Variants in VAV2 observed in about 807,000 individuals in gnomAD.
VAV2 encodes the protein guanine nucleotide exchange factor VAV2.
A neutral mutation model predicts 132.5 loss-of-function variants in VAV2; 67 were observed. The observed-to-expected ratio is 0.51, with a 90% CI of 0.42 to 0.62. VAV2 has a LOEUF of 0.62. Among genes scored for constraint, VAV2 ranks in the 20% least tolerant of loss-of-function variants. The pLI is 0.00. For missense variants in VAV2, 938 were observed against 1,153.6 expected, an observed-to-expected ratio of 0.81 and a Z score of 2.71; for synonymous variants, 492 against 443.5, an observed-to-expected ratio of 1.11 and a Z score of -1.37.
chr9:133,788,049 G>A lies in VAV2; in HGVS notation c.1407+305C>T, dbSNP rs1834300776. Among the ~76,000 whole-genome samples, 1 of 152,230 alleles carries A rather than the reference G, an allele frequency of 6.6e-6. No individual in the cohort carries two copies. Among genetic ancestry groups the A allele is most frequent in the Admixed American group, 6.5e-5 (1 of 15,288 alleles). ...GGTTGAAAGTCCCACCCTCACTAGA[G>A]GCCTTGGGGTGGCCTCTCCCCTCTG... is the stretch of plus-strand genomic sequence containing the variant. On this transcript the variant is annotated intron_variant, in intron 15 of 29. Coordinates refer to ENST00000371850, the MANE Select transcript of VAV2 (RefSeq NM_001134398.2). The surrounding 1 kb of genome is among the most constrained non-coding windows in gnomAD (Gnocchi z 5.3).
chr9:133,856,883 T>C (rs556096591), intron 3 of VAV2, among the ~76,000 whole-genome samples: 1 of 152,282 alleles, frequency 6.6e-6, no homozygotes, highest in African/African-American at 2.4e-5. Context: ...CGAAAACCCT[T>C]TTCCTCGTCA....
At position 133,769,316 on chromosome 9, in the gene VAV2, A is replaced by G. The variant is rs1833537121; in HGVS notation, c.2434+101T>C. ...TGCCAGACTGCGGACAACTGTGGCC[A>G]CGTCAGGCAGGGCTGTGGGGCCAGT... On this transcript the variant is annotated intron_variant, in intron 28 of 29. Transcript: ENST00000371850. This position sits in a 1 kb window ranked among gnomAD's most constrained non-coding sequence, Gnocchi z 8.1. The G allele has an allele frequency of 3.9e-6, 5 of 1,283,720 alleles. No homozygotes were observed. Among genetic ancestry groups the G allele is most frequent in the Non-Finnish European group, 4.3e-6 (4 of 937,380 alleles). The allele number at this position is 1,283,720 out of a possible 1,614,324, so 79.5% of individuals were successfully genotyped here. A position where few individuals can be genotyped will look rare whatever the true frequency, so the allele number is the denominator to read the frequency against.
At chr9:133,810,756 G>A (rs1318583995) in intron 5 of VAV2, among the ~76,000 whole-genome samples, 1 of 152,216 alleles carries the variant, frequency 6.6e-6, no homozygotes, top group Non-Finnish European at 1.5e-5. Flanking sequence ...CAGAACCAGG[G>A]ACAGCAGCGG....
At chr9:133,772,079 G>A (rs373654300) in intron 25 of VAV2, 33 bp from the exon 26 acceptor site, 29 of 1,594,940 alleles carry the variant, frequency 1.8e-5, no homozygotes, top group Admixed American at 6.7e-5. Flanking sequence ...CGGTCACCGC[G>A]TGAGGGCCAC....
rs1014917826 is a variant in VAV2 at position 133,769,772 on chromosome 9, C to T, written c.2348-269G>A. 2.0e-5 allele frequency among the ~76,000 whole-genome samples: 3 copies of T among 152,218 alleles called. No individual in the cohort carries two copies. The highest frequency in any genetic ancestry group is 2.1e-4 in the South Asian group (1 of 4,834). ...TTGGGACCACCTCCTCTCATGCCCTCGCCTGGCACATAGCAGGTGCTCACT... is the reference window on the plus strand; with the variant it reads ...TTGGGACCACCTCCTCTCATGCCCTTGCCTGGCACATAGCAGGTGCTCACT... On this transcript the variant is annotated intron_variant, in intron 27 of 29. Coordinates refer to ENST00000371850, the MANE Select transcript of VAV2 (RefSeq NM_001134398.2). The surrounding 1 kb of genome is among the most constrained non-coding windows in gnomAD (Gnocchi z 8.1).
chr9:133,979,187 G>C lies in VAV2; in HGVS notation c.204+12888C>G, dbSNP rs138843617. On this transcript the variant is annotated intron_variant, in intron 1 of 29. Transcript: ENST00000371850. ...GCAGGGGCTGGGAGACATGTCCGCC[G>C]AGCACTTCCCACTTGCCAGGCACCG... Among the ~76,000 whole-genome samples, 864 of 152,350 alleles carry C rather than the reference G, an allele frequency of 5.7e-3. 6 individuals carry two copies. Among genetic ancestry groups the C allele is most frequent in the African/African-American group, 0.02 (820 of 41,576 alleles).
At chr9:133,780,997 G>A (rs909636340) in intron 19 of VAV2, among the ~76,000 whole-genome samples, 4 of 152,208 alleles carry the variant, frequency 2.6e-5, no homozygotes, top group Non-Finnish European at 5.9e-5. Flanking sequence ...AGGTTATCCC[G>A]CCTGGGCCAC....
intron 2 of VAV2, among the ~76,000 whole-genome samples, chr9:133,901,665 G>A (rs367732324): frequency 4.0e-5 from 6 of 151,798 alleles, no homozygotes; most frequent in South Asian, 2.1e-4. Flanking sequence ...CTGCCGGCCC[G>A]GCCTGGTGAC....
intron 1 of VAV2, among the ~76,000 whole-genome samples, chr9:133,947,456 T>C (rs1260614107): frequency 6.6e-6 from 1 of 152,084 alleles, no homozygotes; most frequent in Non-Finnish European, 1.5e-5. Context: ...TCCTGGCCCT[T>C]TGGGAGGCCA....
chr9:133,819,706 C>T (rs1229523712), intron 4 of VAV2, among the ~76,000 whole-genome samples: 1 of 152,124 alleles, frequency 6.6e-6, no homozygotes, highest in African/African-American at 2.4e-5. Flanking sequence ...CCTGGCCACA[C>T]GGATGGCACT....
chr9:133,878,595 G>A (rs1032544700), intron 2 of VAV2, among the ~76,000 whole-genome samples: 9 of 152,278 alleles, frequency 5.9e-5, no homozygotes, highest in Middle Eastern at 6.8e-3. Context: ...CTCCACCACC[G>A]CCAAGTCCTC....
At position 133,935,377 on chromosome 9, in the gene VAV2, G is replaced by A. The variant is rs780637320; in HGVS notation, c.321+3726C>T. ...GTAAGGAACCAGGCCTATCAGCCCC[G>A]CCCTCCACACCGGCTCCTTGTGGTC... On this transcript the variant is annotated intron_variant, in intron 2 of 29. Coordinates refer to ENST00000371850, the MANE Select transcript of VAV2 (RefSeq NM_001134398.2). The surrounding 1 kb of genome is among the most constrained non-coding windows in gnomAD (Gnocchi z 5.2). 6.6e-5 allele frequency among the ~76,000 whole-genome samples: 10 copies of A among 152,158 alleles called. No homozygotes were observed. Among genetic ancestry groups the A allele is most frequent in the Non-Finnish European group, 1.5e-4 (10 of 68,012 alleles).
chr9:133,971,178 A>T (rs1489902078), intron 1 of VAV2, among the ~76,000 whole-genome samples: 1 of 152,170 alleles, frequency 6.6e-6, no homozygotes, highest in Non-Finnish European at 1.5e-5. Context: ...TCTGACCCTC[A>T]GTCTCCAAAG....
chr9:133,786,409 C>T (rs1379833234), intron 16 of VAV2, among the ~76,000 whole-genome samples: 1 of 152,168 alleles, frequency 6.6e-6, no homozygotes, highest in African/African-American at 2.4e-5. Flanking sequence ...TGCACACACA[C>T]ATGCCTGGGC....
At position 133,784,384 on chromosome 9, in the gene VAV2, G is replaced by A; in HGVS notation, c.1567C>T (p.His523Tyr). The A allele has an allele frequency of 6.2e-7, 1 of 1,614,224 alleles. No individual in the cohort carries two copies. The highest frequency in any genetic ancestry group is 2.2e-5 in the East Asian group (1 of 44,878). The change falls in exon 18 of 30, where the codon CAC (histidine) becomes TAC (tyrosine). Residue 523 changes from histidine (H) to tyrosine (Y), a missense_variant. Transcript: ENST00000371850. ...NIKPDKANAN[H>Y]HSFQMYTFDK... ...AACGTGTACATCTGGAAACTGTGGTGGTTGGCATTGGCTTTGTCTGGCTTG... is the reference window on the plus strand; with the variant it reads ...AACGTGTACATCTGGAAACTGTGGTAGTTGGCATTGGCTTTGTCTGGCTTG...
At chr9:133,829,342 T>A (rs1836174619) in intron 4 of VAV2, among the ~76,000 whole-genome samples, 2 of 152,362 alleles carry the variant, frequency 1.3e-5, no homozygotes, top group African/African-American at 4.8e-5. Context: ...TTAGAGCACT[T>A]GAGAAAATAA....
Position 133,898,286 on chromosome 9 carries a change from T to A in VAV2, c.322-36854A>T, listed in dbSNP as rs763874276. Among the ~76,000 whole-genome samples, 5 of 152,174 alleles carry A rather than the reference T, an allele frequency of 3.3e-5. 1 individual carries two copies. In the South Asian group the frequency reaches 1.0e-3, roughly 32 times the overall value. On this transcript the variant is annotated intron_variant, in intron 2 of 29. Coordinates refer to ENST00000371850, the MANE Select transcript of VAV2 (RefSeq NM_001134398.2). ...GCGCTTTCTCCACAACGCCAGACCC[T>A]CAACAGAAAGAGACTTTTTAGGGCG...
At chr9:133,905,568 C>A (rs533320415) in intron 2 of VAV2, among the ~76,000 whole-genome samples, 18 of 152,318 alleles carry the variant, frequency 1.2e-4, no homozygotes, top group African/African-American at 3.6e-4. Flanking sequence ...CTAGGCCCTG[C>A]CGACTGCCAT....
chr9:133,827,166 C>T lies in VAV2; in HGVS notation c.449+7106G>A, dbSNP rs957000063. Among the ~76,000 whole-genome samples the T allele has an allele frequency of 5.6e-4, 85 of 150,862 alleles. 2 individuals are homozygous for T. Among genetic ancestry groups the T allele is most frequent in the Non-Finnish European group, 2.4e-4 (16 of 67,752 alleles). On this transcript the variant is annotated intron_variant, in intron 4 of 29. Transcript: ENST00000371850. The stretch of plus-strand genomic sequence containing the variant: ...AGCTGGAAGGAAGAAGCCAATGTGC[C>T]ACCTACCGCTGCGCCCACTGGGGCT...
Sources: allele counts gnomAD v4.1 joint callset (sites outside exome capture counted in the v4.1 genomes callset), GRCh38; gene constraint gnomAD v4.1.1; non-coding constraint Gnocchi (gnomAD v3.1); transcripts MANE v1.5; gene names NCBI Gene and HGNC (gene_info 2026-07-23, HGNC 2026-07-21).